The following MARCHF1 variants were observed in gnomAD, a reference collection of about 807,000 sequenced individuals.
The protein encoded by MARCHF1 is E3 ubiquitin-protein ligase MARCHF1.
In MARCHF1, 40 loss-of-function variants were observed where a neutral mutation model predicts 54.2. That is an observed-to-expected ratio of 0.74 (90% CI 0.57 to 0.96). The LOEUF is 0.96. Among genes scored for constraint, MARCHF1 ranks in the 40% least tolerant of loss-of-function variants. The pLI is 0.00. For synonymous variants in MARCHF1, 236 were observed against 236.3 expected (o/e 1.00, Z 0.01); for missense variants, 586 against 656.5 (o/e 0.89, Z 1.17).
At position 163,837,267 on chromosome 4, in the gene MARCHF1, T is replaced by C. The variant is rs77508755; in HGVS notation, c.111+16754A>G. On this transcript the variant is annotated intron_variant, in intron 4 of 9. Coordinates refer to ENST00000514618, the MANE Select transcript of MARCHF1 (RefSeq NM_001394959.1). ...TCTATGGTCACACAAGTAGAAAGTG[T>C]CAAAGCTATGTTCAAACTGAAGTAA... Among the ~76,000 whole-genome samples, 1,227 of 152,108 alleles carry C rather than the reference T, an allele frequency of 8.1e-3. 51 individuals are homozygous for C. The East Asian group carries it at 0.093, about 12-fold the overall frequency.
chr4:163,970,548 A>C (rs1485457766), intron 3 of MARCHF1, among the ~76,000 whole-genome samples: 1 of 152,238 alleles, frequency 6.6e-6, no homozygotes, highest in Non-Finnish European at 1.5e-5. Context: ...GAAAACAGTA[A>C]TGTTAAGTGG....
In MARCHF1 at chr4:163,707,786, T is replaced by TAA. The variant is rs777522371; in HGVS notation, c.112-6925_112-6924dup. Among the ~76,000 whole-genome samples, 353 of 65,908 alleles carry TAA rather than the reference T, an allele frequency of 5.4e-3. 7 individuals carry two copies. The East Asian group carries it at 0.09, about 17-fold the overall frequency. The allele number at this position is 65,908 out of a possible 152,430, so 43.2% of individuals were successfully genotyped here. A position where few individuals can be genotyped will look rare whatever the true frequency, so the allele number is the denominator to read the frequency against. On this transcript the variant is annotated intron_variant, in intron 4 of 9. Coordinates refer to ENST00000514618, the MANE Select transcript of MARCHF1 (RefSeq NM_001394959.1). Reference sequence around the variant, plus strand: ...CTTAATATACAACTCTGTTTTGAACTAAAAAAAAAAAAAAAAAAAAAAGAA... The same window carrying TAA: ...CTTAATATACAACTCTGTTTTGAACTAAAAAAAAAAAAAAAAAAAAAAAAGAA...
chr4:163,632,243 C>T (rs540802495), intron 5 of MARCHF1, among the ~76,000 whole-genome samples: 2 of 152,148 alleles, frequency 1.3e-5, no homozygotes, highest in African/African-American at 4.8e-5. Context: ...GGGGGAGGAG[C>T]CAAGATGGCC....
At chr4:164,340,527 T>A (rs1394681791) in intron 1 of MARCHF1, among the ~76,000 whole-genome samples, 1 of 150,174 alleles carries the variant, frequency 6.7e-6, no homozygotes, top group African/African-American at 2.4e-5. Flanking sequence ...CCTCCTGAGT[T>A]CCAGCGATTC....
intron 1 of MARCHF1, among the ~76,000 whole-genome samples, chr4:164,246,186 C>A (rs1286131638): frequency 6.6e-5 from 5 of 76,180 alleles, no homozygotes; most frequent in Non-Finnish European, 1.2e-4. Flanking sequence ...CATCACACTA[C>A]CTGACTTCAA....
intron 1 of MARCHF1, among the ~76,000 whole-genome samples, chr4:164,307,694 C>T (rs1478627346): frequency 6.6e-6 from 1 of 152,106 alleles, no homozygotes; most frequent in Admixed American, 6.6e-5. Context: ...AGAGACTGGG[C>T]CAAATGCTAA....
intron 8 of MARCHF1, among the ~76,000 whole-genome samples, chr4:163,551,627 A>G (rs960557961): frequency 2.6e-5 from 4 of 152,220 alleles, no homozygotes; most frequent in African/African-American, 9.6e-5. Flanking sequence ...GAATTACAGT[A>G]ATATAGTGGC....
At chr4:164,036,131 CAA>C (rs34184383) in intron 2 of MARCHF1, among the ~76,000 whole-genome samples, 7 of 133,872 alleles carry the variant, frequency 5.2e-5, no homozygotes, top group East Asian at 2.1e-4. Context: ...AAACAAAAAA[CAA>C]AAAAAAAAAC....
chr4:164,170,296 A>G (rs190240652), intron 1 of MARCHF1, among the ~76,000 whole-genome samples: 3 of 152,250 alleles, frequency 2.0e-5, no homozygotes, highest in African/African-American at 7.2e-5. Flanking sequence ...CTACTTTTTC[A>G]TGAAGCTTAA....
chr4:164,086,636 A>G (rs1380669820), intron 2 of MARCHF1, among the ~76,000 whole-genome samples: 1 of 152,028 alleles, frequency 6.6e-6, no homozygotes, highest in Non-Finnish European at 1.5e-5. Context: ...TTAATATTTA[A>G]GCCTAGAAAA....
chr4:163,556,361 T>C (rs1219752775), intron 8 of MARCHF1, among the ~76,000 whole-genome samples: 1 of 152,200 alleles, frequency 6.6e-6, no homozygotes, highest in Non-Finnish European at 1.5e-5. Context: ...TCTAGAATAT[T>C]CCTTTGGGTG....
intron 2 of MARCHF1, among the ~76,000 whole-genome samples, chr4:164,064,900 G>T (rs940059699): frequency 6.6e-6 from 1 of 152,096 alleles, no homozygotes; most frequent in Non-Finnish European, 1.5e-5. Flanking sequence ...CATCCTTATT[G>T]AGGTAATCAT....
chr4:164,379,809 A>C (rs1731315339), intron 1 of MARCHF1, among the ~76,000 whole-genome samples: 1 of 152,018 alleles, frequency 6.6e-6, no homozygotes, highest in South Asian at 2.1e-4. Context: ...AACCCCATCT[A>C]TGCTAAAAAT....
intron 5 of MARCHF1, among the ~76,000 whole-genome samples, chr4:163,680,855 T>C (rs1220383760): frequency 1.3e-5 from 2 of 152,048 alleles, no homozygotes; most frequent in Admixed American, 6.6e-5. Context: ...ATTTCTATAA[T>C]TTATTATTGC....
chr4:164,383,445 G>A (rs918292968), intron 1 of MARCHF1: 1 of 152,332 alleles, frequency 6.6e-6, no homozygotes, highest in Admixed American at 6.5e-5. Flanking sequence ...GAGCGCGTGA[G>A]CCTGTGAAGT....
chr4:163,859,268 C>T (rs994085430), intron 3 of MARCHF1, among the ~76,000 whole-genome samples: 1 of 152,090 alleles, frequency 6.6e-6, no homozygotes, highest in African/African-American at 2.4e-5. Flanking sequence ...GCTACCCTCA[C>T]CTTGTAAGGT....
At chr4:164,074,919 A>G (rs1754945525) in intron 2 of MARCHF1, among the ~76,000 whole-genome samples, 1 of 151,300 alleles carries the variant, frequency 6.6e-6, no homozygotes, top group South Asian at 2.1e-4. Context: ...ATAATTTCTT[A>G]TAAAATATAA....
intron 2 of MARCHF1, among the ~76,000 whole-genome samples, chr4:164,078,699 C>T (rs1040524217): frequency 7.9e-5 from 12 of 152,114 alleles, no homozygotes; most frequent in African/African-American, 2.9e-4. Context: ...ATTTCAAGAA[C>T]TGGCCTAACA....
intron 8 of MARCHF1, among the ~76,000 whole-genome samples, chr4:163,556,510 G>T (rs1402088810): frequency 6.6e-6 from 1 of 151,498 alleles, no homozygotes; most frequent in Admixed American, 6.6e-5. Context: ...CTCTTTAATA[G>T]CAGTGTCACA....
Sources: gnomAD v4.1 joint callset for allele counts (sites outside exome capture counted in the v4.1 genomes callset) on GRCh38, gnomAD v4.1.1 for gene constraint, MANE v1.5 for transcripts, NCBI Gene and HGNC (gene_info 2026-07-23, HGNC 2026-07-21) for gene names.